OXCT1: variants seen among roughly 807,000 people sequenced by gnomAD.
OXCT1 encodes the protein 3-oxoacid CoA-transferase 1, also known as succinyl-CoA:3-ketoacid coenzyme A transferase 1, mitochondrial.
Under a neutral mutation model 69.6 loss-of-function variants are expected in OXCT1, and 27 were observed. The ratio of observed to expected loss-of-function variants is 0.39; its 90% confidence interval spans 0.29 to 0.54. OXCT1 has a LOEUF of 0.54. OXCT1 is among the 20% of genes least tolerant of loss of function. The probability of loss-of-function intolerance (pLI) is 0.72; values close to 1 mark genes in which losing one functional copy is unlikely to be tolerated. For synonymous variants in OXCT1, 202 were observed against 217.8 expected, an observed-to-expected ratio of 0.93 and a Z score of 0.64; for missense variants, 437 against 650.2, an observed-to-expected ratio of 0.67 and a Z score of 3.57.
At chr5:41,838,565 G>A (rs1748483036) in intron 7 of OXCT1, among the ~76,000 whole-genome samples, 1 of 151,844 alleles carries the variant, frequency 6.6e-6, no homozygotes, top group African/African-American at 2.4e-5. Flanking sequence ...GTAATCACTA[G>A]CCACATGTAG....
chr5:41,758,459 G>T (rs1243394333), intron 14 of OXCT1, among the ~76,000 whole-genome samples: 1 of 152,110 alleles, frequency 6.6e-6, no homozygotes, highest in Non-Finnish European at 1.5e-5. Context: ...ACCTTAGAAG[G>T]CTGCAGAGCA....
At chr5:41,853,603 T>C (rs772733131) in intron 3 of OXCT1, 49 bp from the exon 4 acceptor site, 1 of 1,575,900 alleles carries the variant, frequency 6.3e-7, no homozygotes, top group East Asian at 2.3e-5. Flanking sequence ...GACAGAACAC[T>C]ATTACATCTT....
At chr5:41,853,358 C>T (rs536194083) in intron 4 of OXCT1, 61 bp downstream of exon 4, 278 of 1,490,616 alleles carry the variant, frequency 1.9e-4, no homozygotes, top group African/African-American at 1.3e-3. Flanking sequence ...GAAATTTCCA[C>T]GGAGAAAAAA....
At chr5:41,854,834 G>A (rs1749358478) in intron 3 of OXCT1, among the ~76,000 whole-genome samples, 1 of 152,066 alleles carries the variant, frequency 6.6e-6, no homozygotes, top group Non-Finnish European at 1.5e-5. Flanking sequence ...GTGCCAAGGG[G>A]AATTTAAACT....
At chr5:41,786,454 T>A (rs1745647857) in intron 13 of OXCT1, among the ~76,000 whole-genome samples, 1 of 152,172 alleles carries the variant, frequency 6.6e-6, no homozygotes, top group Non-Finnish European at 1.5e-5. Context: ...GCATACTATA[T>A]AACCTTCTTC....
At chr5:41,746,159 A>G (rs1743477639) in intron 15 of OXCT1, among the ~76,000 whole-genome samples, 1 of 152,176 alleles carries the variant, frequency 6.6e-6, no homozygotes, top group Non-Finnish European at 1.5e-5. Flanking sequence ...TCAATAAAAT[A>G]CTGGCAAACC....
intron 14 of OXCT1, 122 bp downstream of exon 14, chr5:41,761,989 T>C (rs1237716868): frequency 9.2e-6 from 7 of 757,904 alleles, no homozygotes; most frequent in Admixed American, 1.8e-5. Flanking sequence ...CAAATGTAAA[T>C]GCTATCACCT....
At chr5:41,834,487 C>CAA (rs1209653207) in intron 7 of OXCT1, among the ~76,000 whole-genome samples, 4,231 of 74,754 alleles carry the variant, frequency 0.057, 108 homozygotes, top group South Asian at 0.085. Flanking sequence ...TGGAAACCCA[C>CAA]AAAAAAAAAA....
Position 41,853,494 on chromosome 5 carries a change from A to G in OXCT1, c.339T>C (p.Ser113=). The change falls in exon 4 of 17, where the codon TCT becomes TCC. Residue 113 remains serine (S), a synonymous_variant. Transcript: ENST00000196371. ...ATTCTGCATTTTCTCCCACATATGA[A>G]GAGACCATGCGTTTTATCTGCTTGG... is the stretch of plus-strand genomic sequence containing the variant. ...LRSKQIKRMV[S]SYVGENAEFE... 6.2e-7 allele frequency: 1 copy of G among 1,613,768 alleles called. No homozygotes were observed. The highest frequency in any genetic ancestry group is 1.1e-5 in the South Asian group (1 of 91,070).
intron 2 of OXCT1, 23 bp downstream of exon 2, chr5:41,862,619 A>C: frequency 8.0e-7 from 1 of 1,246,590 alleles, no homozygotes; most frequent in Non-Finnish European, 1.2e-6. Flanking sequence ...TTACCATAAC[A>C]TGAAAACAGT....
rs905086188 is a variant in OXCT1 at position 41,840,335 on chromosome 5, A to AC, written c.732+115_732+116insG. ...TAGAATGGATCCATTTCCAAAACAA[A>AC]AAAAAAAGCTGTCATTGTTATCCAT... On this transcript the variant is annotated intron_variant, in intron 7 of 16. Coordinates refer to ENST00000196371, the MANE Select transcript of OXCT1 (RefSeq NM_000436.4). The AC allele has an allele frequency of 1.6e-5, 13 of 829,466 alleles. No individual in the cohort carries two copies. The African/African-American group carries it at 2.1e-4, about 13-fold the overall frequency. The allele number at this position is 829,466 out of a possible 1,614,324, so 51.4% of individuals were successfully genotyped here. A position where few individuals can be genotyped will look rare whatever the true frequency, so the allele number is the denominator to read the frequency against.
intron 5 of OXCT1, among the ~76,000 whole-genome samples, chr5:41,848,948 C>T (rs1749053355): frequency 6.6e-6 from 1 of 151,912 alleles, no homozygotes; most frequent in African/African-American, 2.4e-5. Flanking sequence ...TCTAATTAAA[C>T]TAAAGAGCTT....
At chr5:41,854,166 A>G (rs760470202) in intron 3 of OXCT1, among the ~76,000 whole-genome samples, 2 of 145,612 alleles carry the variant, frequency 1.4e-5, no homozygotes, top group Non-Finnish European at 3.1e-5. Context: ...CACATTCTTA[A>G]CAAAAACAAG....
chr5:41,815,568 C>G (rs1747196474), intron 7 of OXCT1, among the ~76,000 whole-genome samples: 2 of 152,138 alleles, frequency 1.3e-5, no homozygotes, highest in Admixed American at 1.3e-4. Flanking sequence ...ATCTATATTT[C>G]ATTTGTCATA....
chr5:41,843,577 T>C (rs765774180), intron 5 of OXCT1: 1 of 456,076 alleles, frequency 2.2e-6, no homozygotes, highest in Non-Finnish European at 4.4e-6. Flanking sequence ...TGTCTTGCCA[T>C]CATGTTCTTT....
At chr5:41,774,036 T>G (rs183758416) in intron 13 of OXCT1, among the ~76,000 whole-genome samples, 1 of 152,354 alleles carries the variant, frequency 6.6e-6, no homozygotes, top group East Asian at 1.9e-4. Context: ...TATAGCTATA[T>G]GACAGATATG....
At chr5:41,805,879 T>C (rs1746654872) in intron 8 of OXCT1, among the ~76,000 whole-genome samples, 198 bp from the exon 9 acceptor site, 1 of 152,036 alleles carries the variant, frequency 6.6e-6, no homozygotes, top group Non-Finnish European at 1.5e-5. Context: ...TAAATGAAAG[T>C]GGTCAGATTT....
rs934857740 is a variant in OXCT1, at chr5:41,825,692, G to T, written c.732+14759C>A. On this transcript the variant is annotated intron_variant, in intron 7 of 16. Coordinates refer to ENST00000196371, the MANE Select transcript of OXCT1 (RefSeq NM_000436.4). ...CAGATGTGACTTTCATTCAAAAGAAGTCATATGGCTCTTGCCTCCTCTCTC... is the reference window on the plus strand; with the variant it reads ...CAGATGTGACTTTCATTCAAAAGAATTCATATGGCTCTTGCCTCCTCTCTC... Among the ~76,000 whole-genome samples, 5 of 152,104 alleles carry T rather than the reference G, an allele frequency of 3.3e-5. No homozygotes were observed. The South Asian group carries it at 1.0e-3, about 32-fold the overall frequency.
intron 3 of OXCT1, among the ~76,000 whole-genome samples, chr5:41,855,885 T>C (rs927714989): frequency 6.6e-6 from 1 of 151,768 alleles, no homozygotes; most frequent in African/African-American, 2.4e-5. Context: ...TACACAGACA[T>C]AGGAAAAAAG....
Sources: gnomAD v4.1 joint callset for allele counts (sites outside exome capture counted in the v4.1 genomes callset) on GRCh38, gnomAD v4.1.1 for gene constraint, MANE v1.5 for transcripts, NCBI Gene and HGNC (gene_info 2026-07-23, HGNC 2026-07-21) for gene names.